The following ERC2 variants were observed in gnomAD, a reference collection of about 807,000 sequenced individuals.
ERC2 encodes ERC protein 2.
ERC2 carries 42 observed loss-of-function variants against 114.8 expected under a neutral mutation model. The ratio of observed to expected loss-of-function variants is 0.37; its 90% CI spans 0.29 to 0.47. The LOEUF is 0.47. Among genes scored for constraint, ERC2 ranks in the 20% least tolerant of loss-of-function variants. ERC2 has a pLI of 0.99. For synonymous variants in ERC2, 454 were observed against 425.5 expected, an observed-to-expected ratio of 1.07 and a Z score of -0.82; for missense variants, 939 against 1,150.7, an observed-to-expected ratio of 0.82 and a Z score of 2.66.
At position 55,902,983 on chromosome 3, in the gene ERC2, G is replaced by T. The variant is rs565330019; in HGVS notation, c.2404-14434C>A. On this transcript the variant is annotated intron_variant, in intron 13 of 17. Transcript: ENST00000288221. ...AAAATCAGCAACTTTTGTCTTTCTG[G>T]ATTATCTTGATTCATGGAAACATTC... 1.3e-5 allele frequency among the ~76,000 whole-genome samples: 2 copies of T among 152,246 alleles called. 1 individual carries two copies. The highest frequency in any genetic ancestry group is 3.9e-4 in the East Asian group (2 of 5,180).
chr3:56,160,360 T>C (rs1198344015), intron 4 of ERC2, among the ~76,000 whole-genome samples: 1 of 152,224 alleles, frequency 6.6e-6, no homozygotes. Context: ...AAGTTCCTGA[T>C]AGATTCTGGA....
At chr3:55,769,998 T>G (rs2068078733) in intron 14 of ERC2, among the ~76,000 whole-genome samples, 1 of 152,220 alleles carries the variant, frequency 6.6e-6, no homozygotes, top group African/African-American at 2.4e-5. Flanking sequence ...GTACACTTCC[T>G]TGCCCCATCG....
intron 1 of ERC2, among the ~76,000 whole-genome samples, chr3:56,439,580 G>A (rs1230113073): frequency 6.6e-6 from 1 of 152,124 alleles, no homozygotes; most frequent in East Asian, 1.9e-4. Context: ...TTCACAAACA[G>A]TCTATTCCGT....
At chr3:56,302,155 A>G (rs2055921460) in intron 2 of ERC2, among the ~76,000 whole-genome samples, 1 of 152,196 alleles carries the variant, frequency 6.6e-6, no homozygotes, top group Non-Finnish European at 1.5e-5. Flanking sequence ...TGACAGGCTC[A>G]AGAGCAGATA....
At chr3:56,460,072 G>C (rs1438139522) in intron 1 of ERC2, among the ~76,000 whole-genome samples, 2 of 152,336 alleles carry the variant, frequency 1.3e-5, no homozygotes, top group Non-Finnish European at 2.9e-5. Context: ...CAGATGAACT[G>C]GCCCAAGAGA....
At chr3:56,263,392 C>T (rs889698409) in intron 3 of ERC2, among the ~76,000 whole-genome samples, 1 of 151,788 alleles carries the variant, frequency 6.6e-6, no homozygotes, top group Non-Finnish European at 1.5e-5. Context: ...GAATCACCTC[C>T]CAAAAATAAT....
intron 2 of ERC2, among the ~76,000 whole-genome samples, chr3:56,322,941 A>C (rs1017316058): frequency 1.3e-5 from 2 of 152,176 alleles, no homozygotes; most frequent in African/African-American, 4.8e-5. Context: ...TCCCTCATTA[A>C]TAGATTAATG....
chr3:55,661,646 G>T (rs1313306849), intron 17 of ERC2, among the ~76,000 whole-genome samples: 1 of 152,172 alleles, frequency 6.6e-6, no homozygotes, highest in Non-Finnish European at 1.5e-5. Context: ...CCAGTACCTG[G>T]TTAGTGTTTG....
At chr3:56,377,697 C>T (rs897882890) in intron 2 of ERC2, among the ~76,000 whole-genome samples, 8 of 152,152 alleles carry the variant, frequency 5.3e-5, no homozygotes, top group East Asian at 1.9e-4. Context: ...TTGGATTGTG[C>T]GGTAGCACAG....
intron 2 of ERC2, among the ~76,000 whole-genome samples, chr3:56,387,953 T>C (rs2059993857): frequency 6.6e-6 from 1 of 152,184 alleles, no homozygotes; most frequent in African/African-American, 2.4e-5. Flanking sequence ...TACACATTTG[T>C]AGAGAGAGAT....
intron 10 of ERC2, among the ~76,000 whole-genome samples, chr3:55,998,589 T>C (rs1175852551): frequency 1.3e-5 from 2 of 152,180 alleles, no homozygotes; most frequent in African/African-American, 2.4e-5. Flanking sequence ...TGCTGGGAGA[T>C]AACTGGTTTA....
chr3:56,434,370 AC>A lies in ERC2; in HGVS notation c.637del (p.Val213PhefsTer11). The A allele has an allele frequency of 6.2e-7, 1 of 1,613,370 alleles. No homozygotes were observed. The highest frequency in any genetic ancestry group is 8.5e-7 in the Non-Finnish European group (1 of 1,179,740). ...RMSVLKEQMR[V>X]SHEENQHLQL... ...ACCTACCTGATTTTCTTCATGGGAA[AC>A]CCTCATCTGCTCCTTGAGGACAGAC... On this transcript the variant is annotated frameshift_variant, in exon 2 of 18. Coordinates refer to ENST00000288221, the MANE Select transcript of ERC2 (RefSeq NM_015576.3). LOFTEE classifies it high-confidence loss of function.
chr3:56,381,426 A>C (rs1257173380), intron 2 of ERC2, among the ~76,000 whole-genome samples: 1 of 152,126 alleles, frequency 6.6e-6, no homozygotes, highest in Non-Finnish European at 1.5e-5. Flanking sequence ...CCGTATTGGC[A>C]GGTTTTGCAT....
chr3:55,950,470 C>T lies in ERC2; in HGVS notation c.2358G>A (p.Val786=), dbSNP rs376336991. 1.2e-5 allele frequency: 20 copies of T among 1,613,940 alleles called. No homozygotes were observed. In the East Asian group the frequency reaches 2.9e-4, roughly 23 times the overall value. ...CAGCCATGCTGTCTTCTCGCCTGCG[C>T]ACTTCTTCTAGTAACTGAGCATTTT... The part of the protein sequence containing the change: ...KKKNAQLLEE[V]RRREDSMADN... The change falls in exon 13 of 18, where the codon GTG becomes GTA. Residue 786 remains valine (V), a synonymous_variant. Coordinates refer to ENST00000288221, the MANE Select transcript of ERC2 (RefSeq NM_015576.3).
chr3:55,906,548 C>A (rs2064462424), intron 13 of ERC2, among the ~76,000 whole-genome samples: 1 of 152,058 alleles, frequency 6.6e-6, no homozygotes, highest in South Asian at 2.1e-4. Flanking sequence ...CATGTTTCTA[C>A]CTATTGAATC....
At chr3:55,850,052 T>G (rs1264211735) in intron 14 of ERC2, among the ~76,000 whole-genome samples, 4 of 152,210 alleles carry the variant, frequency 2.6e-5, no homozygotes, top group Non-Finnish European at 5.9e-5. Flanking sequence ...TTTCCTAATT[T>G]CTGGTGATGG....
At chr3:56,073,314 G>C (rs1452402900) in intron 7 of ERC2, among the ~76,000 whole-genome samples, 1 of 152,154 alleles carries the variant, frequency 6.6e-6, no homozygotes, top group Non-Finnish European at 1.5e-5. Context: ...GGCTTCTCTG[G>C]ATGATTATTT....
At chr3:56,098,742 G>C (rs1396536821) in intron 6 of ERC2, among the ~76,000 whole-genome samples, 5 of 152,162 alleles carry the variant, frequency 3.3e-5, no homozygotes, top group Admixed American at 6.5e-5. Flanking sequence ...TTGGTGAAAA[G>C]ATGGGCAGGA....
chr3:55,883,922 CA>C (rs1559813035), intron 14 of ERC2, among the ~76,000 whole-genome samples: 2,838 of 151,810 alleles, frequency 0.019, 63 homozygotes, highest in African/African-American at 0.053. Context: ...ACAACAACAA[CA>C]ACAACACCAC....
Sources: gnomAD v4.1 joint callset for allele counts (sites outside exome capture counted in the v4.1 genomes callset) on GRCh38, gnomAD v4.1.1 for gene constraint, MANE v1.5 for transcripts, NCBI Gene and HGNC (gene_info 2026-07-23, HGNC 2026-07-21) for gene names.